PTPN4: variants seen among roughly 807,000 people sequenced by gnomAD.
The protein encoded by PTPN4 is protein tyrosine phosphatase non-receptor type 4, also known as tyrosine-protein phosphatase non-receptor type 4.
A neutral mutation model predicts 135.5 loss-of-function variants in PTPN4; 49 were observed. The observed-to-expected ratio is 0.36, with a 90% CI of 0.29 to 0.46. The LOEUF is 0.46. Among genes scored for constraint, PTPN4 ranks in the 20% least tolerant of loss-of-function variants. The pLI is 1.00. For missense variants in PTPN4, 860 were observed against 1,101.0 expected (o/e 0.78, Z 3.10); for synonymous variants, 333 against 369.9 (o/e 0.90, Z 1.14).
intron 15 of PTPN4, 32 bp downstream of exon 15, chr2:119,934,990 T>A: frequency 6.4e-7 from 1 of 1,567,322 alleles, no homozygotes. Flanking sequence ...TTCCTCTGTA[T>A]TTTCAAATGC....
At chr2:119,817,704 T>C (rs1241094228) in intron 2 of PTPN4, among the ~76,000 whole-genome samples, 1 of 152,198 alleles carries the variant, frequency 6.6e-6, no homozygotes, top group Non-Finnish European at 1.5e-5. Context: ...CTTTGAAGAA[T>C]GTCAATGGTA....
At chr2:119,943,802 T>C (rs1679096137) in intron 15 of PTPN4, among the ~76,000 whole-genome samples, 1 of 151,792 alleles carries the variant, frequency 6.6e-6, no homozygotes, top group South Asian at 2.1e-4. Context: ...TTAGCCAGGA[T>C]AGGATGGTCT....
intron 1 of PTPN4, among the ~76,000 whole-genome samples, chr2:119,776,067 T>G (rs1300651207): frequency 6.6e-6 from 1 of 152,218 alleles, no homozygotes; most frequent in Non-Finnish European, 1.5e-5. Context: ...GTTCCACTTA[T>G]TCAAGACTGC....
chr2:119,971,924 G>C (rs923798536), intron 26 of PTPN4, among the ~76,000 whole-genome samples: 3 of 152,182 alleles, frequency 2.0e-5, no homozygotes, highest in African/African-American at 7.2e-5. Context: ...AATTGTCTCA[G>C]GGCTCTTGTC....
chr2:119,880,490 C>G (rs1034047504), intron 5 of PTPN4, among the ~76,000 whole-genome samples: 8 of 151,176 alleles, frequency 5.3e-5, no homozygotes, highest in Non-Finnish European at 1.0e-4. Flanking sequence ...AGTGCAGTGG[C>G]GCGATCTCGG....
At chr2:119,761,766 G>A (rs1690506294) in intron 1 of PTPN4, among the ~76,000 whole-genome samples, 3 of 152,298 alleles carry the variant, frequency 2.0e-5, no homozygotes, top group African/African-American at 7.2e-5. Context: ...CATGTTGCCA[G>A]TCTGTTTTAA....
At chr2:119,972,677 A>G (rs1201496577) in intron 26 of PTPN4, among the ~76,000 whole-genome samples, 1 of 152,098 alleles carries the variant, frequency 6.6e-6, no homozygotes, top group African/African-American at 2.4e-5. Context: ...ACTAATTATC[A>G]TATTAGCCAT....
intron 15 of PTPN4, among the ~76,000 whole-genome samples, chr2:119,937,957 CAAA>C (rs75089215): frequency 1.5e-5 from 2 of 130,122 alleles, no homozygotes; most frequent in African/African-American, 2.8e-5. Flanking sequence ...AAACCAAAAC[CAAA>C]AAAAAAAAAA....
intron 2 of PTPN4, among the ~76,000 whole-genome samples, chr2:119,844,068 CA>C (rs1677430354): frequency 5.9e-5 from 1 of 16,818 alleles, no homozygotes; most frequent in Admixed American, 5.4e-4. Flanking sequence ...AGGCGCCCCT[CA>C]CCTCCCAGAC....
chr2:119,818,990 C>G (rs1007096259), intron 2 of PTPN4, among the ~76,000 whole-genome samples: 1 of 152,166 alleles, frequency 6.6e-6, no homozygotes, highest in Admixed American at 6.5e-5. Context: ...TACGCACATC[C>G]TATGAAGCAA....
intron 18 of PTPN4, among the ~76,000 whole-genome samples, chr2:119,946,926 A>G (rs924906764): frequency 1.3e-5 from 2 of 152,160 alleles, no homozygotes; most frequent in African/African-American, 4.8e-5. Context: ...TAAGTACATT[A>G]TACTTGCCTA....
In PTPN4 at chr2:119,978,466, A is replaced by G. The variant is rs147800557; in HGVS notation, c.*1396A>G. 9.2e-5 allele frequency: 14 copies of G among 152,252 alleles called. No homozygotes were observed. Among genetic ancestry groups the G allele is most frequent in the African/African-American group, 2.6e-4 (11 of 41,558 alleles). The allele number at this position is 152,252 out of a possible 1,614,324, so 9.4% of individuals were successfully genotyped here. On this transcript the variant is annotated 3_prime_UTR_variant, in exon 27 of 27. Transcript: ENST00000263708. Reference sequence around the variant, plus strand: ...GTACAATTAAATTATTCCATTTTATATATACTTATTAAGTTATAAGCATGT... The same window carrying G: ...GTACAATTAAATTATTCCATTTTATGTATACTTATTAAGTTATAAGCATGT...
chr2:119,859,211 G>T (rs1677724137), intron 2 of PTPN4, among the ~76,000 whole-genome samples: 2 of 151,810 alleles, frequency 1.3e-5, no homozygotes, highest in South Asian at 4.1e-4. Context: ...CCAAATCTTT[G>T]TCAGATAATT....
At chr2:119,946,693 A>C in intron 18 of PTPN4, 119 bp downstream of exon 18, 1 of 827,770 alleles carries the variant, frequency 1.2e-6, no homozygotes, top group South Asian at 1.9e-5. Flanking sequence ...ATCAAGTGTC[A>C]AATGTTGGCT....
At chr2:119,902,047 C>T (rs990831711) in intron 10 of PTPN4, among the ~76,000 whole-genome samples, 9 of 152,144 alleles carry the variant, frequency 5.9e-5, no homozygotes, top group Non-Finnish European at 1.3e-4. Flanking sequence ...TTCCAAAATT[C>T]ATGACAGCCA....
At chr2:119,783,276 T>C (rs904011343) in intron 1 of PTPN4, among the ~76,000 whole-genome samples, 1 of 152,212 alleles carries the variant, frequency 6.6e-6, no homozygotes, top group African/African-American at 2.4e-5. Flanking sequence ...AACAAAACTA[T>C]TGATTCTCTG....
chr2:119,879,018 G>A (rs1235601045), intron 5 of PTPN4, among the ~76,000 whole-genome samples: 3 of 151,412 alleles, frequency 2.0e-5, no homozygotes, highest in Middle Eastern at 3.4e-3. Flanking sequence ...GCATGAACCC[G>A]GGAGGCAGAG....
At chr2:119,879,647 A>G (rs1259181026) in intron 5 of PTPN4, among the ~76,000 whole-genome samples, 2 of 152,248 alleles carry the variant, frequency 1.3e-5, no homozygotes, top group African/African-American at 4.8e-5. Flanking sequence ...TCTAATATAT[A>G]GCCAAGGCTA....
At chr2:119,818,751 C>T (rs567345840) in intron 2 of PTPN4, among the ~76,000 whole-genome samples, 1 of 152,306 alleles carries the variant, frequency 6.6e-6, no homozygotes, top group South Asian at 2.1e-4. Flanking sequence ...AAATAGCCAG[C>T]AGATTACTTT....
Sources: gnomAD v4.1 joint callset for allele counts (sites outside exome capture counted in the v4.1 genomes callset) on GRCh38, gnomAD v4.1.1 for gene constraint, MANE v1.5 for transcripts, NCBI Gene and HGNC (gene_info 2026-07-23, HGNC 2026-07-21) for gene names.